Variants in PIP4K2A observed in about 807,000 individuals in gnomAD.
The protein encoded by PIP4K2A is phosphatidylinositol 5-phosphate 4-kinase type-2 alpha.
Under a neutral mutation model 42.9 loss-of-function variants are expected in PIP4K2A, and 14 were observed. That is an observed-to-expected ratio of 0.33 (90% confidence interval 0.22 to 0.51). PIP4K2A has a LOEUF of 0.51. Among genes scored for constraint, PIP4K2A ranks in the 20% least tolerant of loss-of-function variants. The pLI, the probability that PIP4K2A is intolerant of heterozygous loss-of-function variation, is 0.97. For missense variants in PIP4K2A, 434 were observed against 519.8 expected (o/e 0.83, Z 1.61); for synonymous variants, 192 against 192.2 (o/e 1.00, Z 0.01).
intron 1 of PIP4K2A, among the ~76,000 whole-genome samples, chr10:22,630,179 A>AAG (rs1838520832): frequency 6.6e-6 from 1 of 152,008 alleles, no homozygotes; most frequent in African/African-American, 2.4e-5. Flanking sequence ...GACTACAAAA[A>AAG]AAAAAAAAAA....
chr10:22,626,553 G>T (rs1838443288), intron 1 of PIP4K2A, among the ~76,000 whole-genome samples: 1 of 152,288 alleles, frequency 6.6e-6, no homozygotes, highest in South Asian at 2.1e-4. Context: ...AAATTGAGGA[G>T]AATAAGGATG....
intron 1 of PIP4K2A, among the ~76,000 whole-genome samples, chr10:22,697,216 T>C (rs898052052): frequency 1.3e-5 from 2 of 152,126 alleles, no homozygotes; most frequent in African/African-American, 4.8e-5. Context: ...GTGTCTTATC[T>C]AAATGGAAAG....
rs367834004 is a variant in PIP4K2A at position 22,575,373 on chromosome 10, CCTCA to C, written c.493-1920_493-1917del. Among the ~76,000 whole-genome samples the C allele has an allele frequency of 1.8e-3, 271 of 152,288 alleles. 1 individual carries two copies. The highest frequency in any genetic ancestry group is 6.4e-3 in the African/African-American group (267 of 41,548). On this transcript the variant is annotated intron_variant, in intron 4 of 9. Coordinates refer to ENST00000376573, the MANE Select transcript of PIP4K2A (RefSeq NM_005028.5). Reference sequence around the variant, plus strand: ...CCGATTTTGGTTTTGCTGCTCAACCCCTCACTGAGCTCCCATCACGAACTACCTT... The same window carrying C: ...CCGATTTTGGTTTTGCTGCTCAACCCCTGAGCTCCCATCACGAACTACCTT...
At chr10:22,704,242 A>G (rs1399878797) in intron 1 of PIP4K2A, among the ~76,000 whole-genome samples, 1 of 152,148 alleles carries the variant, frequency 6.6e-6, no homozygotes, top group Non-Finnish European at 1.5e-5. Flanking sequence ...ACTGAGCAAA[A>G]GAGGAGCCTG....
chr10:22,714,341 T>G lies in PIP4K2A; in HGVS notation c.-15A>C. On this transcript the variant is annotated 5_prime_UTR_variant, in exon 1 of 10. Transcript: ENST00000376573. ...GGGGTCGCCATGGCCGCCTCCTATG[T>G]CCCCTCCACCGCCGTGCTCCCGAGG... The G allele has an allele frequency of 1.3e-6, 2 of 1,575,448 alleles. No homozygotes were observed. The highest frequency in any genetic ancestry group is 1.1e-5 in the South Asian group (1 of 88,646).
intron 7 of PIP4K2A, among the ~76,000 whole-genome samples, chr10:22,542,959 C>A (rs1836162883): frequency 6.6e-6 from 1 of 152,144 alleles, no homozygotes; most frequent in African/African-American, 2.4e-5. Context: ...GGTTCACGGT[C>A]CTGGCTCTGG....
At chr10:22,627,502 C>CT (rs1303818622) in intron 1 of PIP4K2A, among the ~76,000 whole-genome samples, 1 of 146,568 alleles carries the variant, frequency 6.8e-6, no homozygotes, top group Non-Finnish European at 1.5e-5. Context: ...TACATAAACT[C>CT]TAATACATTG....
chr10:22,632,302 T>C (rs1340141567), intron 1 of PIP4K2A, among the ~76,000 whole-genome samples: 5 of 152,212 alleles, frequency 3.3e-5, no homozygotes. Flanking sequence ...GTACTATTTG[T>C]TATATAAGAT....
chr10:22,540,016 ATC>A lies in PIP4K2A; in HGVS notation c.1093_1094del (p.Asp365CysfsTer13). 6.2e-7 allele frequency: 1 copy of A among 1,613,262 alleles called. No homozygotes were observed. Among genetic ancestry groups the A allele is most frequent in the Non-Finnish European group, 8.5e-7 (1 of 1,179,240 alleles). On this transcript the variant is annotated frameshift_variant, in exon 9 of 10. Transcript: ENST00000376573. LOFTEE classifies it high-confidence loss of function. ...CAGCATGGGCAGCTTTCTTTTTTGC[ATC>A]ATAATGAGTAAGGATGTCAATAATT... ...MAIIDILTHY[D>X]AKKKAAHAAK...
intron 1 of PIP4K2A, among the ~76,000 whole-genome samples, chr10:22,628,495 T>C (rs570565168): frequency 7.2e-5 from 11 of 152,320 alleles, no homozygotes; most frequent in South Asian, 2.1e-4. Flanking sequence ...AAGAGGTTTA[T>C]TGTGAGCCAA....
At chr10:22,642,741 A>G (rs1230731654) in intron 1 of PIP4K2A, among the ~76,000 whole-genome samples, 2 of 152,072 alleles carry the variant, frequency 1.3e-5, no homozygotes, top group African/African-American at 2.4e-5. Context: ...CATTCACATG[A>G]AAAGATCTAG....
chr10:22,674,415 CAAAAAAAAAAA>C (rs1002492534), intron 1 of PIP4K2A, among the ~76,000 whole-genome samples: 33 of 61,132 alleles, frequency 5.4e-4, no homozygotes, highest in Non-Finnish European at 1.0e-3. Flanking sequence ...CACTTGGGAG[CAAAAAAAAAAA>C]AAAAAAAAAA....
At chr10:22,593,966 G>A (rs780082593) in intron 3 of PIP4K2A, among the ~76,000 whole-genome samples, 1 of 152,162 alleles carries the variant, frequency 6.6e-6, no homozygotes, top group Non-Finnish European at 1.5e-5. Context: ...ACAGTATAAC[G>A]TCCTCTCATG....
rs143696456 is a variant in PIP4K2A, at chr10:22,671,745, T to TACACACACACACAC, written c.144+42424_144+42437dup. On this transcript the variant is annotated intron_variant, in intron 1 of 9. Transcript: ENST00000376573. Reference sequence around the variant, plus strand: ...TGAATTTTCTGATTTACTTGGAAAATACACACACACACACACACACACACA... The same window carrying TACACACACACACAC: ...TGAATTTTCTGATTTACTTGGAAAATACACACACACACACACACACACACACACACACACACACA... Among the ~76,000 whole-genome samples, 1,121 of 144,652 alleles carry TACACACACACACAC rather than the reference T, an allele frequency of 7.7e-3. 8 individuals are homozygous for TACACACACACACAC. Among genetic ancestry groups the TACACACACACACAC allele is most frequent in the African/African-American group, 0.014 (545 of 39,658 alleles). The allele number at this position is 144,652 out of a possible 152,430, so 94.9% of individuals were successfully genotyped here.
At chr10:22,539,886 GGAGAGAGAGAGAGAGAGA>G (rs982297619) in intron 9 of PIP4K2A, 67 bp downstream of exon 9, 3 of 699,528 alleles carry the variant, frequency 4.3e-6, no homozygotes, top group Admixed American at 4.3e-5. Flanking sequence ...AGAGGAGCCA[GGAGAGAGAGAGAGAGAGA>G]GAGAGAGGGA....
intron 1 of PIP4K2A, among the ~76,000 whole-genome samples, chr10:22,700,516 C>G (rs1046306121): frequency 2.0e-5 from 3 of 152,158 alleles, no homozygotes; most frequent in African/African-American, 7.2e-5. Context: ...CAAACCAGGG[C>G]AGCTGCTAGC....
chr10:22,672,368 C>T (rs1320208104), intron 1 of PIP4K2A, among the ~76,000 whole-genome samples: 4 of 152,192 alleles, frequency 2.6e-5, no homozygotes, highest in African/African-American at 9.7e-5. Flanking sequence ...TTCACACCTT[C>T]ATAACCACTT....
At chr10:22,569,065 A>G in intron 5 of PIP4K2A, 1 of 1,533,806 alleles carries the variant, frequency 6.5e-7, no homozygotes, top group South Asian at 1.2e-5. Context: ...CTGCAAAGAA[A>G]TCAAAATTTT....
intron 5 of PIP4K2A, among the ~76,000 whole-genome samples, chr10:22,568,391 A>G (rs952998620): frequency 3.9e-5 from 4 of 103,396 alleles, no homozygotes; most frequent in Admixed American, 2.3e-4. Context: ...TGCAATGCTC[A>G]TTGTTTTCTC....
Sources: gnomAD v4.1 joint callset for allele counts (sites outside exome capture counted in the v4.1 genomes callset) on GRCh38, gnomAD v4.1.1 for gene constraint, MANE v1.5 for transcripts, NCBI Gene and HGNC (gene_info 2026-07-23, HGNC 2026-07-21) for gene names.